The following PTPRD variants were observed in gnomAD, a reference collection of about 807,000 sequenced individuals.
PTPRD encodes receptor-type tyrosine-protein phosphatase delta.
PTPRD carries 34 observed loss-of-function variants against 214.5 expected under a neutral mutation model. The observed-to-expected ratio is 0.16, with a 90% CI of 0.12 to 0.21. The LOEUF is 0.21. Among genes scored for constraint, PTPRD ranks in the 10% least tolerant of loss-of-function variants. The pLI is 1.00. For missense variants in PTPRD, 2,545 were observed against 2,398.7 expected (o/e 1.06, Z -1.27); for synonymous variants, 1,128 against 845.7 (o/e 1.33, Z -5.79).
At chr9:8,528,298 T>G (rs1050719718) in intron 15 of PTPRD, 4 of 469,350 alleles carry the variant, frequency 8.5e-6, no homozygotes, top group African/African-American at 8.1e-5. Context: ...AATGGATCCA[T>G]CAAATACTGC....
intron 35 of PTPRD, among the ~76,000 whole-genome samples, chr9:8,433,586 G>C (rs2095199099): frequency 6.6e-6 from 1 of 152,090 alleles, no homozygotes; most frequent in African/African-American, 2.4e-5. Context: ...CTAGATTAAT[G>C]CATGTCTTTG....
At chr9:9,718,201 T>C (rs750747135) in intron 7 of PTPRD, among the ~76,000 whole-genome samples, 3 of 152,218 alleles carry the variant, frequency 2.0e-5, no homozygotes, top group Non-Finnish European at 2.9e-5. Context: ...GAAAATATTT[T>C]CTTTTATAAG....
At chr9:9,900,907 T>A (rs1012085009) in intron 5 of PTPRD, among the ~76,000 whole-genome samples, 1 of 152,158 alleles carries the variant, frequency 6.6e-6, no homozygotes, top group African/African-American at 2.4e-5. Context: ...TTTTCAGGTA[T>A]CTTTATAGCA....
intron 7 of PTPRD, among the ~76,000 whole-genome samples, chr9:9,653,646 T>C (rs1226613013): frequency 6.6e-6 from 1 of 152,098 alleles, no homozygotes; most frequent in African/African-American, 2.4e-5. Flanking sequence ...TATAATGTGG[T>C]TGAAGAAAAA....
At chr9:9,988,257 T>G (rs530775217) in intron 4 of PTPRD, among the ~76,000 whole-genome samples, 7 of 152,330 alleles carry the variant, frequency 4.6e-5, no homozygotes, top group Non-Finnish European at 1.5e-5. Context: ...TTGATCAGTT[T>G]TCAAAACATA....
intron 3 of PTPRD, among the ~76,000 whole-genome samples, chr9:10,292,403 C>A (rs1262918597): frequency 3.9e-5 from 6 of 151,994 alleles, no homozygotes; most frequent in Non-Finnish European, 1.5e-5. Context: ...TACAATGGAT[C>A]ATGTTATTCT....
chr9:10,450,846 G>A (rs1566123534), intron 2 of PTPRD, among the ~76,000 whole-genome samples: 1 of 151,796 alleles, frequency 6.6e-6, no homozygotes, highest in Admixed American at 6.6e-5. Flanking sequence ...TATTTGGGGG[G>A]CACTTACATT....
chr9:8,518,870 C>T (rs1269061628), intron 20 of PTPRD, among the ~76,000 whole-genome samples: 1 of 150,856 alleles, frequency 6.6e-6, no homozygotes, highest in Non-Finnish European at 1.5e-5. Context: ...ACAAAAAAAC[C>T]TTAGTATTAG....
At chr9:10,435,672 A>G (rs1194619907) in intron 2 of PTPRD, among the ~76,000 whole-genome samples, 5 of 151,958 alleles carry the variant, frequency 3.3e-5, no homozygotes, top group Non-Finnish European at 7.4e-5. Context: ...AGGAAAAATG[A>G]ATATCTGGAT....
chr9:10,054,591 G>A (rs12343015), intron 3 of PTPRD, among the ~76,000 whole-genome samples: 5,897 of 152,180 alleles, frequency 0.039, 139 homozygotes, highest in Non-Finnish European at 0.054. Flanking sequence ...TTTCAAGGAC[G>A]TGGGAGCCAT....
At chr9:10,118,196 TTATC>T (rs56038500) in intron 3 of PTPRD, among the ~76,000 whole-genome samples, 24,374 of 148,840 alleles carry the variant, frequency 0.16, 2,223 homozygotes, top group East Asian at 0.36. Context: ...CTCACATTTA[TTATC>T]TATCTATCTA....
At position 9,973,378 on chromosome 9, in the gene PTPRD, C is replaced by T. The variant is rs75163559; in HGVS notation, c.-471-34768G>A. 5.9e-3 allele frequency among the ~76,000 whole-genome samples: 898 copies of T among 151,372 alleles called. 30 individuals carry two copies. Among genetic ancestry groups the T allele is most frequent in the East Asian group, 0.057 (292 of 5,134 alleles). ...TCCCAGCTACTTGGAAGGCTGAAGC[C>T]GGAGGGTTACTTAACCCAGGAGACA... On this transcript the variant is annotated intron_variant, in intron 4 of 45. Transcript: ENST00000381196.
chr9:9,705,381 G>C (rs1325004548), intron 7 of PTPRD, among the ~76,000 whole-genome samples: 2 of 152,064 alleles, frequency 1.3e-5, no homozygotes, highest in Non-Finnish European at 2.9e-5. Flanking sequence ...CTAATATTTT[G>C]AAATATGATT....
chr9:9,399,112 AT>A (rs2069117177), intron 8 of PTPRD, among the ~76,000 whole-genome samples: 1 of 152,032 alleles, frequency 6.6e-6, no homozygotes. Flanking sequence ...TAAATCCACT[AT>A]TCTGCTATTT....
intron 39 of PTPRD, among the ~76,000 whole-genome samples, chr9:8,364,533 G>A (rs548772480): frequency 1.3e-5 from 2 of 152,220 alleles, no homozygotes; most frequent in Non-Finnish European, 1.5e-5. Context: ...CTACAGCCAC[G>A]GCACAGCCAG....
At chr9:10,303,884 A>G (rs1266742938) in intron 3 of PTPRD, among the ~76,000 whole-genome samples, 1 of 152,266 alleles carries the variant, frequency 6.6e-6, no homozygotes, top group Admixed American at 6.5e-5. Flanking sequence ...AGCAACAAAA[A>G]AAGATGGAAT....
At chr9:8,504,977 TAAAG>T (rs2097510662) in intron 22 of PTPRD, among the ~76,000 whole-genome samples, 2 of 152,308 alleles carry the variant, frequency 1.3e-5, no homozygotes, top group Middle Eastern at 3.4e-3. Flanking sequence ...CGTTAGTCAC[TAAAG>T]AAAGTTGAAT....
chr9:9,815,910 T>C (rs573244685), intron 5 of PTPRD, among the ~76,000 whole-genome samples: 1 of 152,274 alleles, frequency 6.6e-6, no homozygotes, highest in East Asian at 1.9e-4. Flanking sequence ...TACTAAGTGT[T>C]CTCACCACAC....
chr9:9,248,266 T>G (rs1342959163), intron 9 of PTPRD, among the ~76,000 whole-genome samples: 1 of 151,938 alleles, frequency 6.6e-6, no homozygotes, highest in Non-Finnish European at 1.5e-5. Context: ...CTAATTTTTG[T>G]ATTTTTTAGT....
Sources: gnomAD v4.1 joint callset for allele counts (sites outside exome capture counted in the v4.1 genomes callset) on GRCh38, gnomAD v4.1.1 for gene constraint, MANE v1.5 for transcripts, NCBI Gene and HGNC (gene_info 2026-07-23, HGNC 2026-07-21) for gene names.